AKR1C8: variants seen among roughly 807,000 people sequenced by gnomAD.
AKR1C8 encodes the protein aldo-keto reductase family 1 member C-like protein 1.
the AKR1C8 span, among the ~76,000 whole-genome samples, chr10:5,158,093 C>T: frequency 2.0e-5 from 3 of 152,086 alleles, no homozygotes; most frequent in Non-Finnish European, 4.4e-5. Context: ...GAATGCAGCT[C>T]ACAGATATGG....
chr10:5,139,246 A>T, the AKR1C8 span, among the ~76,000 whole-genome samples: 1 of 152,210 alleles, frequency 6.6e-6, no homozygotes, highest in Non-Finnish European at 1.5e-5. Flanking sequence ...TATAGATTCA[A>T]TGCCATCCCC....
the AKR1C8 span, chr10:5,159,905 T>G: frequency 1.9e-6 from 1 of 517,134 alleles, no homozygotes; most frequent in South Asian, 1.4e-5. Context: ...GGGCTTGTAC[T>G]TGAGCCCTGG....
chr10:5,172,875 AG>A, the AKR1C8 span, among the ~76,000 whole-genome samples: 1 of 152,184 alleles, frequency 6.6e-6, no homozygotes, highest in Admixed American at 6.6e-5. Flanking sequence ...AACCAGAAGA[AG>A]ATCTAGTAGT....
At chr10:5,164,336 G>C in the AKR1C8 span, among the ~76,000 whole-genome samples, 4 of 151,846 alleles carry the variant, frequency 2.6e-5, 1 homozygote, top group Admixed American at 2.0e-4. Flanking sequence ...ACTATAGAGA[G>C]CTTTCTTCTT....
chr10:5,140,479 G>A, the AKR1C8 span, among the ~76,000 whole-genome samples: 8 of 152,268 alleles, frequency 5.3e-5, no homozygotes, highest in Admixed American at 3.3e-4. Flanking sequence ...AAAAAAGGAT[G>A]AGTTCATGTC....
the AKR1C8 span, chr10:5,161,794 T>G: frequency 1.9e-6 from 1 of 534,730 alleles, no homozygotes; most frequent in South Asian, 1.4e-5. Context: ...AATTAGATAA[T>G]TCAGATGCTT....
At chr10:5,144,481 C>T in the AKR1C8 span, among the ~76,000 whole-genome samples, 4,387 of 151,112 alleles carry the variant, frequency 0.029, 215 homozygotes, top group African/African-American at 0.1. Context: ...GCCATTTTCA[C>T]GATATTGATT....
At chr10:5,156,508 A>G in the AKR1C8 span, among the ~76,000 whole-genome samples, 2 of 122,850 alleles carry the variant, frequency 1.6e-5, no homozygotes, top group Admixed American at 8.4e-5. Context: ...CCAGGACACA[A>G]TTTCATGAAA....
the AKR1C8 span, among the ~76,000 whole-genome samples, chr10:5,180,217 G>C: frequency 6.6e-6 from 1 of 152,232 alleles, no homozygotes; most frequent in African/African-American, 2.4e-5. Flanking sequence ...CTGCAGGTCT[G>C]TTGGAGTTTG....
chr10:5,137,878 G>T, the AKR1C8 span, among the ~76,000 whole-genome samples: 1 of 152,216 alleles, frequency 6.6e-6, no homozygotes, highest in South Asian at 2.1e-4. Context: ...AGGGGAGGGG[G>T]TGTAAGAACA....
At chr10:5,165,395 T>C in the AKR1C8 span, among the ~76,000 whole-genome samples, 4 of 152,286 alleles carry the variant, frequency 2.6e-5, no homozygotes, top group African/African-American at 7.2e-5. Flanking sequence ...CCTAGGGGGA[T>C]AGGATTTTTT....
At chr10:5,143,870 G>A in the AKR1C8 span, among the ~76,000 whole-genome samples, 1 of 151,598 alleles carries the variant, frequency 6.6e-6, no homozygotes, top group African/African-American at 2.4e-5. Flanking sequence ...TGGAGTTTAT[G>A]GAATGACCAC....
chr10:5,178,845 A>G, the AKR1C8 span, among the ~76,000 whole-genome samples: 1 of 151,716 alleles, frequency 6.6e-6, no homozygotes, highest in Non-Finnish European at 1.5e-5. Context: ...ATCTTCCTCC[A>G]TCCTTTTATT....
chr10:5,155,463 G>T, the AKR1C8 span: 1 of 274,306 alleles, frequency 3.6e-6, no homozygotes, highest in East Asian at 1.1e-4. Flanking sequence ...TCACAATGGT[G>T]CAGACATTGG....
chr10:5,169,140 C>G, the AKR1C8 span, among the ~76,000 whole-genome samples: 2 of 152,170 alleles, frequency 1.3e-5, no homozygotes, highest in Non-Finnish European at 2.9e-5. Flanking sequence ...GCTGTCTTTT[C>G]TGTGTTTTAC....
the AKR1C8 span, chr10:5,162,093 A>G: frequency 7.5e-6 from 3 of 401,032 alleles, no homozygotes; most frequent in South Asian, 5.9e-5. Flanking sequence ...AAGCTAAAAG[A>G]GCTGGGACTA....
At chr10:5,117,120 T>C in the AKR1C8 span, among the ~76,000 whole-genome samples, 7 of 129,220 alleles carry the variant, frequency 5.4e-5, no homozygotes, top group East Asian at 4.0e-4. Flanking sequence ...AAATGAGCAC[T>C]GGCAGTGAGC....
the AKR1C8 span, among the ~76,000 whole-genome samples, chr10:5,126,143 G>T: frequency 6.6e-6 from 1 of 152,232 alleles, no homozygotes; most frequent in East Asian, 1.9e-4. Context: ...CTCATGAAGG[G>T]TCTTGGAGAA....
the AKR1C8 span, among the ~76,000 whole-genome samples, chr10:5,139,071 T>A: frequency 1.3e-5 from 2 of 152,058 alleles, no homozygotes; most frequent in Non-Finnish European, 2.9e-5. Context: ...TCAAAGAGAA[T>A]AAAATACCTA....
Sources: gnomAD v4.1 joint callset for allele counts (sites outside exome capture counted in the v4.1 genomes callset) on GRCh38, gnomAD v4.1.1 for gene constraint, MANE v1.5 for transcripts, NCBI Gene and HGNC (gene_info 2026-07-23, HGNC 2026-07-21) for gene names.